DNAJC15: variants seen among roughly 807,000 people sequenced by gnomAD.
The protein encoded by DNAJC15 is dnaJ homolog subfamily C member 15.
A neutral mutation model predicts 22.4 loss-of-function variants in DNAJC15; 27 were observed. The observed-to-expected ratio is 1.20, with a 90% CI of 0.89 to 1.66. The LOEUF (loss-of-function observed/expected upper bound fraction) is 1.66. Among genes scored for constraint, DNAJC15 ranks in the 40% most tolerant of loss-of-function variants. The pLI, the probability that DNAJC15 is intolerant of heterozygous loss-of-function variation, is 0.00. For synonymous variants in DNAJC15, 79 were observed against 63.2 expected (o/e 1.25, Z -1.19); for missense variants, 208 against 187.1 (o/e 1.11, Z -0.65).
At position 43,107,719 on chromosome 13, in the gene DNAJC15, C is replaced by T. The variant is rs9594890; in HGVS notation, c.*471C>T. The T allele has an allele frequency of 6.6e-6, 1 of 152,084 alleles. No homozygotes were observed. Among genetic ancestry groups the T allele is most frequent in the Non-Finnish European group, 1.5e-5 (1 of 68,090 alleles). 9.4% of individuals were successfully genotyped at this position (152,084 alleles called of 1,614,324 possible). On this transcript the variant is annotated 3_prime_UTR_variant, in exon 6 of 6. Coordinates refer to ENST00000379221, the MANE Select transcript of DNAJC15 (RefSeq NM_013238.3). The stretch of plus-strand genomic sequence containing the variant: ...CTTGAGAACAAGCACTGGCTGATAC[C>T]TCTTGGAGATATGATCTGAAATGTA...
intron 5 of DNAJC15, among the ~76,000 whole-genome samples, chr13:43,088,051 T>G (rs1055384508): frequency 6.6e-6 from 1 of 152,166 alleles, no homozygotes; most frequent in African/African-American, 2.4e-5. Context: ...TTTACAGTAA[T>G]GCATAGTGAA....
rs1461738338 is a variant in DNAJC15, at chr13:43,113,689, G to C, written c.*6441G>C. 2.0e-5 allele frequency: 3 copies of C among 152,218 alleles called. No homozygotes were observed. The highest frequency in any genetic ancestry group is 7.2e-5 in the African/African-American group (3 of 41,450). 9.4% of individuals were successfully genotyped at this position (152,218 alleles called of 1,614,324 possible). On this transcript the variant is annotated 3_prime_UTR_variant, in exon 6 of 6. Transcript: ENST00000379221. The stretch of plus-strand genomic sequence containing the variant: ...ATTTATCTATTCTTGGATTAGTGGT[G>C]CCTTTGCTCTTTCCTTCTGTAAATG...
intron 1 of DNAJC15, among the ~76,000 whole-genome samples, chr13:43,035,252 TAGAG>T (rs1230761583): frequency 4.6e-5 from 7 of 152,100 alleles, no homozygotes; most frequent in African/African-American, 4.8e-5. Context: ...TGAAAGGAAT[TAGAG>T]AGAGAGAAAG....
chr13:43,024,777 C>T (rs961371026), intron 1 of DNAJC15, among the ~76,000 whole-genome samples: 78 of 151,326 alleles, frequency 5.2e-4, no homozygotes, highest in African/African-American at 1.8e-3. Flanking sequence ...TGAAATATTG[C>T]CCAAGTGGTG....
Position 43,065,742 on chromosome 13 carries a change from GAT to G in DNAJC15, c.160+7_160+8del. ...TTGCAGCTCTTGCATTTGCAGGTAA[GAT>G]AAAGAATACATACCAATAAATTGCA... On this transcript the variant is annotated splice_donor_region_variant and intron_variant, in intron 2 of 5. Coordinates refer to ENST00000379221, the MANE Select transcript of DNAJC15 (RefSeq NM_013238.3). The G allele has an allele frequency of 6.2e-7, 1 of 1,612,788 alleles. No individual in the cohort carries two copies. The highest frequency in any genetic ancestry group is 8.5e-7 in the Non-Finnish European group (1 of 1,179,376).
chr13:43,056,265 A>G lies in DNAJC15; in HGVS notation c.109-9421A>G, dbSNP rs190225756. Among the ~76,000 whole-genome samples the G allele has an allele frequency of 4.7e-3, 714 of 152,022 alleles. 7 individuals carry two copies. The highest frequency in any genetic ancestry group is 6.8e-3 in the Non-Finnish European group (459 of 67,944). On this transcript the variant is annotated intron_variant, in intron 1 of 5. Coordinates refer to ENST00000379221, the MANE Select transcript of DNAJC15 (RefSeq NM_013238.3). ...CTCCTGGGTTCAAGCAAGCCTCCCA[A>G]GTAGCTGGGACTACAGGCATGCACC...
rs1378346055 is a variant in DNAJC15 at position 43,112,897 on chromosome 13, A to T, written c.*5649A>T. ...TGATGCATGTGACCTGGGATTATAA[A>T]TGTGAAATTAGGTTTACGAAAGGAT... On this transcript the variant is annotated 3_prime_UTR_variant, in exon 6 of 6. Coordinates refer to ENST00000379221, the MANE Select transcript of DNAJC15 (RefSeq NM_013238.3). The T allele has an allele frequency of 6.6e-6, 1 of 152,244 alleles. No homozygotes were observed. The highest frequency in any genetic ancestry group is 2.4e-5 in the African/African-American group (1 of 41,458). The allele number at this position is 152,244 out of a possible 1,614,324, so 9.4% of individuals were successfully genotyped here.
At chr13:43,034,838 A>G (rs999370814) in intron 1 of DNAJC15, among the ~76,000 whole-genome samples, 3 of 152,086 alleles carry the variant, frequency 2.0e-5, no homozygotes, top group Non-Finnish European at 2.9e-5. Flanking sequence ...CTGGCACTAC[A>G]TGGTGCTCTA....
intron 1 of DNAJC15, among the ~76,000 whole-genome samples, chr13:43,042,831 G>C (rs2040460084): frequency 6.6e-6 from 1 of 152,226 alleles, no homozygotes; most frequent in Admixed American, 6.5e-5. Context: ...ATAGGTGTTA[G>C]CCACATCTCC....
At position 43,024,893 on chromosome 13, in the gene DNAJC15, T is replaced by TA. The variant is rs34398144; in HGVS notation, c.108+1177dup. 1.5e-3 allele frequency among the ~76,000 whole-genome samples: 129 copies of TA among 85,952 alleles called. 9 individuals carry two copies. The highest frequency in any genetic ancestry group is 3.6e-3 in the African/African-American group (79 of 21,708). The allele number at this position is 85,952 out of a possible 152,430, so 56.4% of individuals were successfully genotyped here. On this transcript the variant is annotated intron_variant, in intron 1 of 5. Coordinates refer to ENST00000379221, the MANE Select transcript of DNAJC15 (RefSeq NM_013238.3). The stretch of plus-strand genomic sequence containing the variant: ...GCAACACAGGAGACCCCATCTCTGC[T>TA]AAAAAAAAAAAAAAAAAATTAGCTG...
At chr13:43,077,369 A>G (rs1269293974) in intron 3 of DNAJC15, among the ~76,000 whole-genome samples, 1 of 152,194 alleles carries the variant, frequency 6.6e-6, no homozygotes, top group African/African-American at 2.4e-5. Context: ...ACAACTCCAG[A>G]AAGAAAGGGA....
At chr13:43,078,776 C>T in intron 4 of DNAJC15, 88 bp downstream of exon 4, 1 of 1,166,338 alleles carries the variant, frequency 8.6e-7, no homozygotes, top group East Asian at 2.6e-5. Flanking sequence ...TATACTTAGA[C>T]TTAAAATTAT....
chr13:43,074,689 CATA>C (rs1192413987), intron 3 of DNAJC15, among the ~76,000 whole-genome samples: 2 of 152,104 alleles, frequency 1.3e-5, no homozygotes, highest in Admixed American at 1.3e-4. Context: ...TTAATTCAAA[CATA>C]ATAATGGATT....
Position 43,085,768 on chromosome 13 carries a change from C to G in DNAJC15, c.312C>G (p.Ser104Arg). ...TAAGCACTGTAATTTCTTTTTACAGCCCATCTGCTGGCAAGGCTAAGATTA... is the reference window on the plus strand; with the variant it reads ...TAAGCACTGTAATTTCTTTTTACAGGCCATCTGCTGGCAAGGCTAAGATTA... ...RREAGLILGVSPSAGKAKIRT... is the reference protein window; with the variant it reads ...RREAGLILGVRPSAGKAKIRT... The change falls in exon 5 of 6, where the codon AGC (serine) becomes AGG (arginine). Residue 104 changes from serine to arginine, a missense_variant and splice_region_variant. Transcript: ENST00000379221. 1 of 1,611,408 alleles carries G rather than the reference C, an allele frequency of 6.2e-7. No individual in the cohort carries two copies. Among genetic ancestry groups the G allele is most frequent in the Non-Finnish European group, 8.5e-7 (1 of 1,179,120 alleles).
intron 4 of DNAJC15, among the ~76,000 whole-genome samples, chr13:43,081,384 T>C (rs769111047): frequency 3.9e-5 from 6 of 152,144 alleles, no homozygotes; most frequent in Non-Finnish European, 7.4e-5. Flanking sequence ...TTGCTTAAAA[T>C]CACAGTTTTT....
At chr13:43,102,193 AT>A (rs951059796) in intron 5 of DNAJC15, among the ~76,000 whole-genome samples, 10 of 151,802 alleles carry the variant, frequency 6.6e-5, no homozygotes, top group African/African-American at 9.7e-5. Flanking sequence ...GATATTGAGC[AT>A]TTTTTTAATG....
chr13:43,063,864 A>G (rs901078206), intron 1 of DNAJC15, among the ~76,000 whole-genome samples: 2 of 152,232 alleles, frequency 1.3e-5, no homozygotes, highest in African/African-American at 4.8e-5. Context: ...CACATATTAA[A>G]TAGTTGAATA....
rs372450268 is a variant in DNAJC15, at chr13:43,076,964, C to T, written c.235-1648C>T. Among the ~76,000 whole-genome samples the T allele has an allele frequency of 1.3e-4, 20 of 152,154 alleles. 1 individual carries two copies. Among genetic ancestry groups the T allele is most frequent in the East Asian group, 1.2e-3 (6 of 5,186 alleles). On this transcript the variant is annotated intron_variant, in intron 3 of 5. Coordinates refer to ENST00000379221, the MANE Select transcript of DNAJC15 (RefSeq NM_013238.3). ...TTTACTGCTAGGCCTTGTCAGCCTC[C>T]TTGACTGATTCCTCTCCATTTCTAT...
At chr13:43,066,288 C>T (rs973418805) in intron 2 of DNAJC15, among the ~76,000 whole-genome samples, 2 of 151,874 alleles carry the variant, frequency 1.3e-5, no homozygotes, top group Non-Finnish European at 2.9e-5. Flanking sequence ...AAGACTGTGC[C>T]CCTTCCAGAG....
Sources: gnomAD v4.1 joint callset for allele counts (sites outside exome capture counted in the v4.1 genomes callset) on GRCh38, gnomAD v4.1.1 for gene constraint, MANE v1.5 for transcripts, NCBI Gene and HGNC (gene_info 2026-07-23, HGNC 2026-07-21) for gene names.